Variants in NKAIN3 observed in about 807,000 individuals in gnomAD.
NKAIN3 encodes the protein sodium/potassium-transporting ATPase subunit beta-1-interacting protein 3.
In NKAIN3, 25 loss-of-function variants were observed where a neutral mutation model predicts 30.2. That is an observed-to-expected ratio of 0.83 (90% CI 0.60 to 1.16). The LOEUF (loss-of-function observed/expected upper bound fraction) is 1.16, where lower values mean the gene tolerates loss of function less well. Ranked by LOEUF, NKAIN3 falls within the 50% of genes most tolerant of loss-of-function variation. The pLI, the probability that NKAIN3 is intolerant of heterozygous loss-of-function variation, is 0.00. For synonymous variants in NKAIN3, 91 were observed against 89.6 expected (o/e 1.02, Z -0.09); for missense variants, 225 against 254.1 (o/e 0.89, Z 0.78).
At chr8:62,504,090 T>C (rs1171482774) in intron 1 of NKAIN3, among the ~76,000 whole-genome samples, 1 of 152,222 alleles carries the variant, frequency 6.6e-6, no homozygotes, top group Non-Finnish European at 1.5e-5. Flanking sequence ...GGTCCCTGAC[T>C]TCCCACAACA....
In NKAIN3 at chr8:62,965,428, G is replaced by A. The variant is rs2130908973; in HGVS notation, c.*21G>A. ...CTTAGGGAGCAAAGGACCATTGACT[G>A]CGCGCCTCGGTGGATCCGACCCGCC... On this transcript the variant is annotated 3_prime_UTR_variant, in exon 7 of 7. Transcript: ENST00000623646. 1.0e-6 allele frequency: 1 copy of A among 985,702 alleles called. No individual in the cohort carries two copies. The highest frequency in any genetic ancestry group is 1.1e-4 in the East Asian group (1 of 8,796). The allele number at this position is 985,702 out of a possible 1,614,324, so 61.1% of individuals were successfully genotyped here.
chr8:62,640,755 C>T (rs73683352), intron 3 of NKAIN3, among the ~76,000 whole-genome samples: 7,369 of 152,106 alleles, frequency 0.048, 316 homozygotes, highest in African/African-American at 0.11. Flanking sequence ...TTCCTCTGAG[C>T]ACCCCAGAGG....
At chr8:62,569,207 C>A (rs985263132) in intron 1 of NKAIN3, among the ~76,000 whole-genome samples, 1 of 152,172 alleles carries the variant, frequency 6.6e-6, no homozygotes, top group African/African-American at 2.4e-5. Context: ...AGTGGCAAGT[C>A]TCCAGGTTAT....
chr8:62,567,803 G>A (rs1809805156), intron 1 of NKAIN3, among the ~76,000 whole-genome samples: 2 of 152,104 alleles, frequency 1.3e-5, no homozygotes, highest in South Asian at 2.1e-4. Flanking sequence ...TCAGATTCTG[G>A]ACTACAAAAG....
At chr8:62,629,642 C>T (rs1466942850) in intron 3 of NKAIN3, among the ~76,000 whole-genome samples, 1 of 152,126 alleles carries the variant, frequency 6.6e-6, no homozygotes, top group Non-Finnish European at 1.5e-5. Flanking sequence ...TAGGCAAATA[C>T]ATGCTTTCTG....
chr8:62,473,386 G>A (rs72651518), intron 1 of NKAIN3: 1 of 152,232 alleles, frequency 6.6e-6, no homozygotes, highest in Non-Finnish European at 1.5e-5. Context: ...TGAAGGTAGA[G>A]CCATCATCAT....
chr8:62,348,867 C>T (rs190216167), intron 1 of NKAIN3, among the ~76,000 whole-genome samples: 52 of 152,152 alleles, frequency 3.4e-4, no homozygotes, highest in African/African-American at 1.2e-3. Flanking sequence ...CTAAGAAATA[C>T]GAGCCAAAGC....
intron 3 of NKAIN3, among the ~76,000 whole-genome samples, chr8:62,622,230 A>G (rs1038653632): frequency 2.6e-5 from 4 of 152,138 alleles, no homozygotes; most frequent in Non-Finnish European, 5.9e-5. Flanking sequence ...GCCATTGTGA[A>G]TGAAACTGCT....
chr8:62,409,823 A>G (rs528801470), intron 1 of NKAIN3, among the ~76,000 whole-genome samples: 1 of 151,950 alleles, frequency 6.6e-6, no homozygotes, highest in South Asian at 2.1e-4. Flanking sequence ...AAGATTTTAT[A>G]TTGTGCTCAT....
chr8:62,931,275 C>T (rs375780763), intron 5 of NKAIN3, among the ~76,000 whole-genome samples: 4 of 152,154 alleles, frequency 2.6e-5, no homozygotes, highest in African/African-American at 9.7e-5. Context: ...AAAATATTGT[C>T]ATGTCTTTCA....
intron 1 of NKAIN3, among the ~76,000 whole-genome samples, chr8:62,452,564 A>G (rs186966697): frequency 3.3e-4 from 51 of 152,322 alleles, no homozygotes; most frequent in African/African-American, 1.1e-3. Context: ...GTCATTTCCA[A>G]TGTGAGGCTT....
intron 1 of NKAIN3, among the ~76,000 whole-genome samples, chr8:62,397,516 T>G (rs547974667): frequency 7.2e-5 from 11 of 152,286 alleles, no homozygotes; most frequent in African/African-American, 2.6e-4. Context: ...AAATAGAGGT[T>G]GCCTCTAATT....
intron 5 of NKAIN3, among the ~76,000 whole-genome samples, chr8:62,948,523 T>G (rs1823190062): frequency 6.6e-6 from 1 of 152,110 alleles, no homozygotes; most frequent in Admixed American, 6.5e-5. Context: ...AAAAAGAAAT[T>G]TGAAGAAAAT....
intron 1 of NKAIN3, among the ~76,000 whole-genome samples, chr8:62,577,955 G>A (rs1810168517): frequency 6.6e-6 from 1 of 151,884 alleles, no homozygotes; most frequent in South Asian, 2.1e-4. Context: ...CTGGATAGAG[G>A]ACATTTCTTT....
At chr8:62,877,407 T>C (rs578188933) in intron 4 of NKAIN3, among the ~76,000 whole-genome samples, 1 of 152,138 alleles carries the variant, frequency 6.6e-6, no homozygotes, top group African/African-American at 2.4e-5. Flanking sequence ...AGCTGTAGAG[T>C]TGAGGGGAGT....
intron 1 of NKAIN3, among the ~76,000 whole-genome samples, chr8:62,329,493 C>G (rs550461916): frequency 6.6e-6 from 1 of 152,060 alleles, no homozygotes; most frequent in Non-Finnish European, 1.5e-5. Flanking sequence ...ACATTCCGCT[C>G]CTTTTCTCCT....
chr8:62,729,027 A>AAAAAAAAAAAAAC (rs1233909395), intron 3 of NKAIN3, among the ~76,000 whole-genome samples: 1 of 54,916 alleles, frequency 1.8e-5, no homozygotes, highest in African/African-American at 7.7e-5. Flanking sequence ...AACAAACCAA[A>AAAAAAAAAAAAAC]AAAAAAAAAA....
At chr8:62,498,040 G>A (rs1300689718) in intron 1 of NKAIN3, among the ~76,000 whole-genome samples, 2 of 152,062 alleles carry the variant, frequency 1.3e-5, no homozygotes, top group African/African-American at 4.8e-5. Flanking sequence ...GTTTACAAAT[G>A]TACATTGATT....
intron 1 of NKAIN3, among the ~76,000 whole-genome samples, chr8:62,541,801 A>G (rs1808854692): frequency 6.6e-6 from 1 of 152,144 alleles, no homozygotes; most frequent in Admixed American, 6.5e-5. Flanking sequence ...ATTTTTCTGA[A>G]AATATAAATG....
Sources: gnomAD v4.1 joint callset for allele counts (sites outside exome capture counted in the v4.1 genomes callset) on GRCh38, gnomAD v4.1.1 for gene constraint, MANE v1.5 for transcripts, NCBI Gene and HGNC (gene_info 2026-07-23, HGNC 2026-07-21) for gene names.